The following NRXN3 variants were observed in gnomAD, a reference collection of about 807,000 sequenced individuals.
The protein encoded by NRXN3 is neurexin III.
NRXN3 carries 32 observed loss-of-function variants against 137.6 expected under a neutral mutation model. That is an observed-to-expected ratio of 0.23 (90% confidence interval 0.18 to 0.31). The LOEUF (loss-of-function observed/expected upper bound fraction) is 0.31, where lower values mean the gene tolerates loss of function less well. Among genes scored for constraint, NRXN3 ranks in the 10% least tolerant of loss-of-function variants. The probability of loss-of-function intolerance (pLI) is 1.00; values close to 1 mark genes in which losing one functional copy is unlikely to be tolerated. For synonymous variants in NRXN3, 798 were observed against 784.5 expected (o/e 1.02, Z -0.29); for missense variants, 1,574 against 2,062.5 (o/e 0.76, Z 4.59).
intron 15 of NRXN3, among the ~76,000 whole-genome samples, chr14:79,372,346 C>G (rs1326506695): frequency 6.6e-6 from 1 of 152,058 alleles, no homozygotes; most frequent in Admixed American, 6.6e-5. Context: ...GTAGCTTATC[C>G]CTCTGTATAA....
chr14:78,314,883 TTCTTTCTTTC>T (rs1480859979), intron 4 of NRXN3, among the ~76,000 whole-genome samples: 1 of 78,688 alleles, frequency 1.3e-5, no homozygotes, highest in Non-Finnish European at 2.6e-5. Flanking sequence ...TTTCCGTTCT[TTCTTTCTTTC>T]TCTTTCTTTC....
intron 4 of NRXN3, among the ~76,000 whole-genome samples, chr14:78,435,122 C>G (rs1188011056): frequency 6.6e-6 from 1 of 152,148 alleles, no homozygotes; most frequent in African/African-American, 2.4e-5. Flanking sequence ...AATTATAGTT[C>G]CTTTGGAGAT....
chr14:78,825,807 G>A (rs77728599), intron 10 of NRXN3, among the ~76,000 whole-genome samples: 2,788 of 152,304 alleles, frequency 0.018, 91 homozygotes, highest in African/African-American at 0.063. Flanking sequence ...TTTTGTGACA[G>A]CTGGTTTAGC....
chr14:79,058,473 G>T (rs746455665), intron 15 of NRXN3, among the ~76,000 whole-genome samples: 38 of 152,066 alleles, frequency 2.5e-4, no homozygotes, highest in Admixed American at 7.2e-4. Context: ...TGAGAGCAAA[G>T]AGAATCCCTG....
intron 15 of NRXN3, among the ~76,000 whole-genome samples, chr14:79,251,028 A>G (rs1002770776): frequency 1.3e-5 from 2 of 152,180 alleles, no homozygotes; most frequent in Non-Finnish European, 2.9e-5. Flanking sequence ...GGTAGTGAGT[A>G]TGAGGGATGG....
intron 15 of NRXN3, among the ~76,000 whole-genome samples, chr14:79,004,014 A>T (rs2152348718): frequency 6.6e-6 from 1 of 152,296 alleles, no homozygotes; most frequent in Middle Eastern, 3.4e-3. Context: ...GCTATCTTAA[A>T]AACTGGCACT....
chr14:78,319,851 CA>C (rs2079124327), intron 4 of NRXN3, among the ~76,000 whole-genome samples: 1 of 152,178 alleles, frequency 6.6e-6, no homozygotes, highest in Non-Finnish European at 1.5e-5. Flanking sequence ...GAGATCTAAA[CA>C]AAAACAAAGG....
At chr14:79,702,891 C>CTT (rs890544501) in intron 19 of NRXN3, among the ~76,000 whole-genome samples, 45 of 149,768 alleles carry the variant, frequency 3.0e-4, no homozygotes, top group Non-Finnish European at 1.2e-4. Flanking sequence ...AGAAACAAGT[C>CTT]TTTTACCTTA....
chr14:78,702,059 A>G (rs1310038819), intron 6 of NRXN3, among the ~76,000 whole-genome samples: 1 of 152,132 alleles, frequency 6.6e-6, no homozygotes, highest in Non-Finnish European at 1.5e-5. Flanking sequence ...CATGCCAGAT[A>G]TTAGGTTTTT....
intron 20 of NRXN3, among the ~76,000 whole-genome samples, chr14:79,806,982 T>A (rs2140691776): frequency 9.0e-6 from 1 of 110,698 alleles, no homozygotes; most frequent in Non-Finnish European, 1.9e-5. Context: ...TTTTTTTTTT[T>A]TTTTTTTTTT....
At chr14:78,391,218 A>G (rs1255968064) in intron 4 of NRXN3, among the ~76,000 whole-genome samples, 1 of 152,148 alleles carries the variant, frequency 6.6e-6, no homozygotes, top group African/African-American at 2.4e-5. Context: ...GAAGTTGACC[A>G]CACATCTGGA....
chr14:79,071,649 G>C (rs1181299211), intron 15 of NRXN3, among the ~76,000 whole-genome samples: 1 of 152,082 alleles, frequency 6.6e-6, no homozygotes, highest in African/African-American at 2.4e-5. Context: ...GAGAGTAGAA[G>C]GATGGTTACC....
At chr14:78,563,632 G>A (rs556362607) in intron 4 of NRXN3, among the ~76,000 whole-genome samples, 6 of 152,342 alleles carry the variant, frequency 3.9e-5, no homozygotes, top group Admixed American at 1.3e-4. Context: ...GAGACCTACT[G>A]AGATGCACTG....
intron 15 of NRXN3, among the ~76,000 whole-genome samples, chr14:79,431,650 A>G (rs541192062): frequency 6.6e-6 from 1 of 152,290 alleles, no homozygotes; most frequent in East Asian, 1.9e-4. Flanking sequence ...AAATAAATCA[A>G]GTTTGCAAGT....
intron 1 of NRXN3, among the ~76,000 whole-genome samples, chr14:78,178,890 A>G (rs919124737): frequency 2.0e-5 from 3 of 152,098 alleles, no homozygotes; most frequent in Non-Finnish European, 4.4e-5. Context: ...CTGGGGGTAA[A>G]AGAGGAAATA....
At chr14:78,863,763 G>C (rs112376328) in intron 10 of NRXN3, among the ~76,000 whole-genome samples, 2,795 of 152,092 alleles carry the variant, frequency 0.018, 35 homozygotes, top group Middle Eastern at 0.037. Flanking sequence ...AAAATAAACT[G>C]AAAAATCAAG....
chr14:79,405,396 A>T (rs1016292535), intron 15 of NRXN3, among the ~76,000 whole-genome samples: 2 of 152,146 alleles, frequency 1.3e-5, no homozygotes, highest in African/African-American at 4.8e-5. Flanking sequence ...CTGGAGACAG[A>T]TGGAAGCAAG....
At position 79,408,866 on chromosome 14, in the gene NRXN3, T is replaced by A. The variant is rs78674288; in HGVS notation, c.3263-58355T>A. On this transcript the variant is annotated intron_variant, in intron 15 of 20. Transcript: ENST00000335750. ...AACTACACTTATAAGTCAAACTTTC[T>A]TTGTTCCTTTGTGGGTGTACTCAGA... is the stretch of plus-strand genomic sequence containing the variant. Among the ~76,000 whole-genome samples the A allele has an allele frequency of 7.8e-3, 1,186 of 152,216 alleles. 16 individuals are homozygous for A. The highest frequency in any genetic ancestry group is 0.026 in the African/African-American group (1,083 of 41,536).
intron 10 of NRXN3, among the ~76,000 whole-genome samples, chr14:78,919,606 T>A (rs1428875175): frequency 6.6e-6 from 1 of 152,122 alleles, no homozygotes; most frequent in African/African-American, 2.4e-5. Flanking sequence ...TGCTTTAGAG[T>A]TTACTACTTC....
Sources: allele counts gnomAD v4.1 joint callset (sites outside exome capture counted in the v4.1 genomes callset), GRCh38; gene constraint gnomAD v4.1.1; transcripts MANE v1.5; gene names NCBI Gene and HGNC (gene_info 2026-07-23, HGNC 2026-07-21).